ZBBX: variants seen among roughly 807,000 people sequenced by gnomAD.
The protein encoded by ZBBX is zinc finger B-box domain containing.
ZBBX carries 101 observed loss-of-function variants against 108.5 expected under a neutral mutation model. The observed-to-expected ratio is 0.93, with a 90% CI of 0.79 to 1.10. The LOEUF (loss-of-function observed/expected upper bound fraction) is 1.10, where lower values mean the gene tolerates loss of function less well. Among genes scored for constraint, ZBBX ranks in the 50% least tolerant of loss-of-function variants. ZBBX has a pLI of 0.00. For synonymous variants in ZBBX, 356 were observed against 323.4 expected, an observed-to-expected ratio of 1.10 and a Z score of -1.08; for missense variants, 1,009 against 941.4, an observed-to-expected ratio of 1.07 and a Z score of -0.94.
At chr3:167,260,617 T>C (rs569566126) in intron 20 of ZBBX, among the ~76,000 whole-genome samples, 107 of 152,336 alleles carry the variant, frequency 7.0e-4, no homozygotes, top group Admixed American at 1.4e-3. Context: ...TTCAACTCTA[T>C]TGCTGAGATT....
intron 20 of ZBBX, among the ~76,000 whole-genome samples, chr3:167,250,719 GTAGT>G: frequency 6.6e-6 from 1 of 152,178 alleles, no homozygotes; most frequent in South Asian, 2.1e-4. Flanking sequence ...TATTCTAAAG[GTAGT>G]TAGATGTACA....
chr3:167,331,370 G>T (rs1178301732), intron 10 of ZBBX, among the ~76,000 whole-genome samples: 1 of 152,048 alleles, frequency 6.6e-6, no homozygotes, highest in Non-Finnish European at 1.5e-5. Flanking sequence ...GGTACTTATT[G>T]GTATCCAGTA....
chr3:167,210,099 T>C, the ZBBX span, among the ~76,000 whole-genome samples: 2 of 151,758 alleles, frequency 1.3e-5, no homozygotes, highest in Non-Finnish European at 2.9e-5. Context: ...TAAAATAAAA[T>C]AAAATAAAAT....
chr3:167,301,729 G>A (rs554465572), intron 17 of ZBBX, among the ~76,000 whole-genome samples: 2 of 152,168 alleles, frequency 1.3e-5, no homozygotes, highest in South Asian at 2.1e-4. Flanking sequence ...AGGCCAAGGC[G>A]GTTGGATCGC....
intron 17 of ZBBX, among the ~76,000 whole-genome samples, chr3:167,300,260 T>G (rs1732407843): frequency 6.6e-6 from 1 of 152,126 alleles, no homozygotes; most frequent in Non-Finnish European, 1.5e-5. Flanking sequence ...TGAAAAAACT[T>G]CAAATCTCTC....
the ZBBX span, among the ~76,000 whole-genome samples, chr3:167,207,886 G>A: frequency 1.3e-5 from 2 of 152,152 alleles, no homozygotes; most frequent in African/African-American, 4.8e-5. Context: ...GCTGGATTAA[G>A]CTTTACATCA....
At chr3:167,253,524 G>T (rs1722968373) in intron 20 of ZBBX, among the ~76,000 whole-genome samples, 1 of 151,968 alleles carries the variant, frequency 6.6e-6, no homozygotes, top group South Asian at 2.1e-4. Context: ...AGACAAGAAA[G>T]CCCAGATCTT....
intron 20 of ZBBX, among the ~76,000 whole-genome samples, chr3:167,253,846 G>T (rs1723026647): frequency 6.6e-6 from 1 of 151,936 alleles, no homozygotes; most frequent in South Asian, 2.1e-4. Flanking sequence ...ATAAAATTTG[G>T]TAGAAAACAT....
At chr3:167,278,983 G>C (rs947843987) in intron 20 of ZBBX, among the ~76,000 whole-genome samples, 1 of 152,126 alleles carries the variant, frequency 6.6e-6, no homozygotes, top group African/African-American at 2.4e-5. Flanking sequence ...CATATAAACA[G>C]AACCAAAGAC....
chr3:167,226,918 A>G, the ZBBX span, among the ~76,000 whole-genome samples: 1 of 151,716 alleles, frequency 6.6e-6, no homozygotes, highest in African/African-American at 2.4e-5. Context: ...CAGGTGGAAG[A>G]GATTTCATCA....
the ZBBX span, among the ~76,000 whole-genome samples, chr3:167,230,242 C>T: frequency 6.6e-6 from 1 of 151,776 alleles, no homozygotes; most frequent in Non-Finnish European, 1.5e-5. Flanking sequence ...TATAGAAAAC[C>T]TTGTCTAGCA....
chr3:167,210,176 T>C, the ZBBX span, among the ~76,000 whole-genome samples: 1 of 152,050 alleles, frequency 6.6e-6, no homozygotes, highest in African/African-American at 2.4e-5. Flanking sequence ...GAATTCAGAA[T>C]ACTATCAGAT....
upstream of ZBBX, among the ~76,000 whole-genome samples, chr3:167,382,727 T>C (rs1405593571): frequency 6.6e-6 from 1 of 152,126 alleles, no homozygotes; most frequent in East Asian, 1.9e-4. Context: ...GAGCATTACA[T>C]GATTTTCTAA....
intron 5 of ZBBX, among the ~76,000 whole-genome samples, chr3:167,367,457 T>C (rs1745488452): frequency 6.6e-6 from 1 of 151,798 alleles, no homozygotes; most frequent in Admixed American, 6.6e-5. Context: ...AAATACTACG[T>C]AGCCACTAAG....
chr3:167,299,582 T>G (rs1732291395), intron 17 of ZBBX, among the ~76,000 whole-genome samples: 1 of 152,132 alleles, frequency 6.6e-6, no homozygotes, highest in Non-Finnish European at 1.5e-5. Context: ...ATTGATAGTT[T>G]TAGAGCCAGA....
At chr3:167,403,747 A>G (rs577172584) in intron 1 of ZBBX, among the ~76,000 whole-genome samples, 22 of 152,224 alleles carry the variant, frequency 1.4e-4, no homozygotes, top group Non-Finnish European at 2.1e-4. Context: ...TTAAATGTGC[A>G]TACTTTAGTC....
intron 19 of ZBBX, among the ~76,000 whole-genome samples, chr3:167,284,528 T>C (rs920985309): frequency 2.5e-4 from 38 of 152,292 alleles, no homozygotes; most frequent in African/African-American, 9.1e-4. Flanking sequence ...GAGTAAGGAC[T>C]GGACTTCTGC....
chr3:167,222,787 C>T, the ZBBX span, among the ~76,000 whole-genome samples: 3 of 151,742 alleles, frequency 2.0e-5, no homozygotes, highest in African/African-American at 7.3e-5. Context: ...CAGAGGCTGA[C>T]AAGGGTGTGT....
chr3:167,341,847 T>G (rs1740583483), intron 9 of ZBBX, among the ~76,000 whole-genome samples: 1 of 151,940 alleles, frequency 6.6e-6, no homozygotes, highest in Non-Finnish European at 1.5e-5. Flanking sequence ...AGAATAAACT[T>G]ACTAACAAAT....
Sources: allele counts gnomAD v4.1 joint callset (sites outside exome capture counted in the v4.1 genomes callset), GRCh38; gene constraint gnomAD v4.1.1; transcripts MANE v1.5; gene names NCBI Gene and HGNC (gene_info 2026-07-23, HGNC 2026-07-21).